Variants in GRIK1 observed in about 807,000 individuals in gnomAD.
GRIK1 encodes glutamate receptor ionotropic, kainate 1.
Under a neutral mutation model 105.7 loss-of-function variants are expected in GRIK1, and 69 were observed. That is an observed-to-expected ratio of 0.65 (90% CI 0.54 to 0.80). The LOEUF is 0.80. Ranked by LOEUF, GRIK1 falls within the 30% of genes least tolerant of loss-of-function variation. The pLI is 0.00. For missense variants in GRIK1, 1,109 were observed against 1,167.3 expected (o/e 0.95, Z 0.73); for synonymous variants, 438 against 431.3 (o/e 1.02, Z -0.19).
intron 14 of GRIK1, 93 bp from the exon 15 acceptor site, chr21:29,561,942 G>C: frequency 1.4e-6 from 1 of 720,640 alleles, no homozygotes; most frequent in South Asian, 1.6e-5. Flanking sequence ...AATAATGATA[G>C]GGAGGATACT....
chr21:29,815,431 T>C (rs1569123967), intron 1 of GRIK1, among the ~76,000 whole-genome samples: 2 of 152,182 alleles, frequency 1.3e-5, no homozygotes, highest in Non-Finnish European at 2.9e-5. Flanking sequence ...AAGTACTCAG[T>C]TGATGACGGC....
At chr21:29,668,704 C>T (rs1210997659) in intron 4 of GRIK1, among the ~76,000 whole-genome samples, 2 of 152,218 alleles carry the variant, frequency 1.3e-5, no homozygotes, top group Non-Finnish European at 2.9e-5. Context: ...CTGCTAGGTA[C>T]AAGTTGAGAA....
chr21:29,799,424 C>T (rs1046522144), intron 1 of GRIK1, among the ~76,000 whole-genome samples: 7 of 152,206 alleles, frequency 4.6e-5, no homozygotes, highest in Admixed American at 2.0e-4. Flanking sequence ...TCCAGGGACA[C>T]ACAGCCAGTA....
At chr21:29,707,547 G>A (rs1401740659) in intron 1 of GRIK1, among the ~76,000 whole-genome samples, 8 of 149,084 alleles carry the variant, frequency 5.4e-5, no homozygotes, top group Non-Finnish European at 1.0e-4. Flanking sequence ...AAAGGCTGGA[G>A]TGCAATGGCA....
At chr21:29,689,249 G>C (rs913433936) in intron 3 of GRIK1, among the ~76,000 whole-genome samples, 1 of 152,046 alleles carries the variant, frequency 6.6e-6, no homozygotes, top group Non-Finnish European at 1.5e-5. Flanking sequence ...CTCATCAATG[G>C]GGATTCATAG....
intron 1 of GRIK1, among the ~76,000 whole-genome samples, chr21:29,869,760 C>T (rs181057932): frequency 4.6e-4 from 70 of 152,204 alleles, no homozygotes; most frequent in African/African-American, 1.7e-3. Flanking sequence ...TAACTCATAT[C>T]CATTGTAGGA....
intron 7 of GRIK1, among the ~76,000 whole-genome samples, chr21:29,627,124 A>T (rs2062149794): frequency 6.6e-6 from 1 of 152,214 alleles, no homozygotes; most frequent in Admixed American, 6.5e-5. Flanking sequence ...GTATTACAGT[A>T]ACTATGCTAG....
Position 29,593,345 on chromosome 21 carries a change from C to T in GRIK1, c.1252-2120G>A, listed in dbSNP as rs183909513. ...TGTGATAAATATCACCTAGAATGCACATTATACGTCTAATGGTTGAAGAAT... is the reference window on the plus strand; with the variant it reads ...TGTGATAAATATCACCTAGAATGCATATTATACGTCTAATGGTTGAAGAAT... On this transcript the variant is annotated intron_variant, in intron 9 of 17. Coordinates refer to ENST00000327783, the MANE Select transcript of GRIK1 (RefSeq NM_001330994.2). Among the ~76,000 whole-genome samples the T allele has an allele frequency of 1.6e-3, 242 of 152,254 alleles. 2 individuals are homozygous for T. Among genetic ancestry groups the T allele is most frequent in the Admixed American group, 0.014 (218 of 15,288 alleles).
chr21:29,892,666 G>A (rs533253555), intron 1 of GRIK1, among the ~76,000 whole-genome samples: 1 of 152,302 alleles, frequency 6.6e-6, no homozygotes, highest in South Asian at 2.1e-4. Flanking sequence ...TCCACAAGCT[G>A]GAGCAATGGT....
At chr21:29,724,018 T>C (rs1351556978) in intron 1 of GRIK1, among the ~76,000 whole-genome samples, 1 of 152,218 alleles carries the variant, frequency 6.6e-6, no homozygotes, top group Non-Finnish European at 1.5e-5. Context: ...CCAGGAATAT[T>C]ATGCCTAATT....
chr21:29,743,235 T>C (rs1165109568), intron 1 of GRIK1, among the ~76,000 whole-genome samples: 1 of 152,154 alleles, frequency 6.6e-6, no homozygotes. Flanking sequence ...TATGGGTGTT[T>C]ATAGAATTCT....
At chr21:29,797,244 T>C (rs535524745) in intron 1 of GRIK1, among the ~76,000 whole-genome samples, 1 of 152,310 alleles carries the variant, frequency 6.6e-6, no homozygotes, top group Admixed American at 6.5e-5. Flanking sequence ...GTATACTTTA[T>C]GTCTTTGTGC....
At chr21:29,570,269 G>A (rs1476401795) in intron 14 of GRIK1, among the ~76,000 whole-genome samples, 3 of 152,158 alleles carry the variant, frequency 2.0e-5, no homozygotes, top group East Asian at 1.9e-4. Context: ...TTTGGAGGCC[G>A]AAGCCGGTGG....
At chr21:29,646,561 C>T (rs1443074971) in intron 6 of GRIK1, among the ~76,000 whole-genome samples, 1 of 152,162 alleles carries the variant, frequency 6.6e-6, no homozygotes, top group Non-Finnish European at 1.5e-5. Context: ...ATAAGCCAGT[C>T]AGATGCCACC....
chr21:29,939,310 C>T (rs541417217), intron 1 of GRIK1, 73 bp downstream of exon 1: 8 of 906,802 alleles, frequency 8.8e-6, no homozygotes, highest in Admixed American at 8.4e-5. Flanking sequence ...CTGCCTCGCC[C>T]GGGACCCGCT....
intron 1 of GRIK1, among the ~76,000 whole-genome samples, chr21:29,849,742 G>C (rs2068246075): frequency 6.6e-6 from 1 of 152,200 alleles, no homozygotes; most frequent in South Asian, 2.1e-4. Flanking sequence ...CGAGATGAGT[G>C]CCGGTAAGGG....
intron 4 of GRIK1, among the ~76,000 whole-genome samples, chr21:29,672,781 A>G (rs781677390): frequency 6.6e-6 from 1 of 152,022 alleles, no homozygotes; most frequent in Non-Finnish European, 1.5e-5. Flanking sequence ...ACAACTAAAC[A>G]CTCACATTAT....
In GRIK1 at chr21:29,829,022, G is replaced by T. The variant is rs144330070; in HGVS notation, c.118+110361C>A. Among the ~76,000 whole-genome samples the T allele has an allele frequency of 1.1e-3, 163 of 152,232 alleles. 2 individuals are homozygous for T. Among genetic ancestry groups the T allele is most frequent in the African/African-American group, 3.8e-3 (157 of 41,550 alleles). ...GTTTCCAAAATTTCAGGGGTCTACT[G>T]CCATGAAGTCAACTGATTCTCTTTT... On this transcript the variant is annotated intron_variant, in intron 1 of 17. Transcript: ENST00000327783.
intron 7 of GRIK1, among the ~76,000 whole-genome samples, chr21:29,612,795 C>T (rs1055236935): frequency 2.6e-5 from 4 of 152,118 alleles, no homozygotes; most frequent in African/African-American, 7.2e-5. Flanking sequence ...TTAAAAATAC[C>T]GCTAATAGGC....
Sources: allele counts gnomAD v4.1 joint callset (sites outside exome capture counted in the v4.1 genomes callset), GRCh38; gene constraint gnomAD v4.1.1; transcripts MANE v1.5; gene names NCBI Gene and HGNC (gene_info 2026-07-23, HGNC 2026-07-21).